The following COL6A5 variants were observed in gnomAD, a reference collection of about 807,000 sequenced individuals.
COL6A5 encodes the protein collagen alpha-5(VI) chain.
A neutral mutation model predicts 65.6 loss-of-function variants in COL6A5; 48 were observed. The ratio of observed to expected loss-of-function variants is 0.73; its 90% CI spans 0.58 to 0.93. The LOEUF (loss-of-function observed/expected upper bound fraction) is 0.93. COL6A5 is among the 40% of genes least tolerant of loss of function. The probability of loss-of-function intolerance (pLI) is 0.00; values close to 1 mark genes in which losing one functional copy is unlikely to be tolerated. For synonymous variants in COL6A5, 291 were observed against 322.8 expected, an observed-to-expected ratio of 0.90 and a Z score of 1.05; for missense variants, 914 against 928.3, an observed-to-expected ratio of 0.98 and a Z score of 0.20.
At chr3:130,385,290 T>C in exon 5 of COL6A5, 1 of 1,550,884 alleles carries the variant, frequency 6.4e-7, no homozygotes, top group South Asian at 1.2e-5. Flanking sequence ...GAAGAAAGGG[T>C]TAGCTTTGGG....
At chr3:130,455,593 G>A in exon 5 of COL6A5, 5 of 1,613,186 alleles carry the variant, frequency 3.1e-6, no homozygotes, top group Non-Finnish European at 4.2e-6. Context: ...CAAGCCAAAT[G>A]TTTGAGCCAC....
chr3:130,412,087 A>C (rs1006340333), intron 20 of COL6A5, among the ~76,000 whole-genome samples: 1 of 152,074 alleles, frequency 6.6e-6, no homozygotes, highest in Non-Finnish European at 1.5e-5. Flanking sequence ...CGTTGTTCCC[A>C]AAACAATGGA....
At chr3:130,430,884 T>A (rs1200119728), upstream of COL6A5, among the ~76,000 whole-genome samples, 1 of 152,238 alleles carries the variant, frequency 6.6e-6, no homozygotes, top group Non-Finnish European at 1.5e-5. Context: ...ACTTGATTCA[T>A]CTTTGCATGC....
chr3:130,364,770 A>C (rs1935270216), intron 1 of COL6A5, among the ~76,000 whole-genome samples: 1 of 152,358 alleles, frequency 6.6e-6, no homozygotes, highest in South Asian at 2.1e-4. Context: ...AAGTTGCAGC[A>C]GGAAAGAACC....
At chr3:130,434,612 T>G in intron 1 of COL6A5, among the ~76,000 whole-genome samples, 1 of 152,218 alleles carries the variant, frequency 6.6e-6, no homozygotes, top group East Asian at 1.9e-4. Flanking sequence ...TTCCCTGACT[T>G]TTTAATAATC....
At chr3:130,434,645 G>A (rs975948717) in intron 1 of COL6A5, among the ~76,000 whole-genome samples, 3 of 152,124 alleles carry the variant, frequency 2.0e-5, no homozygotes, top group Admixed American at 6.5e-5. Flanking sequence ...GGCATGAGAT[G>A]GTATCTCATT....
chr3:130,387,660 C>T (rs1250928168), intron 5 of COL6A5, among the ~76,000 whole-genome samples: 1 of 151,822 alleles, frequency 6.6e-6, no homozygotes, highest in African/African-American at 2.4e-5. Context: ...TAATATATGG[C>T]TGATGCTATG....
intron 1 of COL6A5, among the ~76,000 whole-genome samples, chr3:130,358,990 A>C (rs541510810): frequency 7.9e-4 from 121 of 152,328 alleles, no homozygotes; most frequent in Middle Eastern, 3.4e-3. Context: ...TGTTAAGATG[A>C]ATGAAGTAGA....
chr3:130,438,042 C>G (rs188531666), intron 1 of COL6A5, among the ~76,000 whole-genome samples: 1 of 152,108 alleles, frequency 6.6e-6, no homozygotes, highest in South Asian at 2.1e-4. Flanking sequence ...TCTGTCACCC[C>G]GGTTGGAGTG....
intron 7 of COL6A5, among the ~76,000 whole-genome samples, 152 bp from the exon 40 acceptor site, chr3:130,471,530 G>T (rs322116): frequency 0.72 from 109,039 of 151,992 alleles, 40,846 homozygotes; most frequent in Non-Finnish European, 0.84. Context: ...TTAGAAAATT[G>T]CACAAGTCAA....
chr3:130,432,023 G>T, intron 1 of COL6A5, 74 bp downstream of exon 33: 1 of 1,441,456 alleles, frequency 6.9e-7, no homozygotes, highest in East Asian at 2.5e-5. Flanking sequence ...GATGGGAGTG[G>T]TAGAGAGTCA....
At chr3:130,441,875 G>A (rs1404557958) in intron 3 of COL6A5, among the ~76,000 whole-genome samples, 1 of 152,162 alleles carries the variant, frequency 6.6e-6, no homozygotes, top group Admixed American at 6.5e-5. Context: ...CAGAATCAGA[G>A]CTGAACCTTT....
At chr3:130,433,820 A>G (rs1455273163) in intron 1 of COL6A5, among the ~76,000 whole-genome samples, 1 of 151,900 alleles carries the variant, frequency 6.6e-6, no homozygotes, top group African/African-American at 2.4e-5. Flanking sequence ...GAGGTTAAAC[A>G]TTTTTTCATA....
chr3:130,401,255 G>A (rs1936807263), intron 11 of COL6A5, 82 bp downstream of exon 11: 1 of 1,259,686 alleles, frequency 7.9e-7, no homozygotes, highest in Non-Finnish European at 1.1e-6. Flanking sequence ...TTCAAAGACT[G>A]CCTTTGTTTA....
chr3:130,393,522 G>T (rs143985847), intron 7 of COL6A5, among the ~76,000 whole-genome samples: 9 of 152,066 alleles, frequency 5.9e-5, no homozygotes, highest in Non-Finnish European at 1.3e-4. Context: ...CAAAACTGGC[G>T]CATTACTAAG....
chr3:130,373,698 G>A, exon 2 of COL6A5: 1 of 1,530,186 alleles, frequency 6.5e-7, no homozygotes, highest in South Asian at 1.2e-5. Flanking sequence ...TGGCAGACCA[G>A]AGCCCAGGTA....
exon 6 of COL6A5, chr3:130,389,034 A>G (rs950913251): frequency 2.4e-5 from 36 of 1,528,790 alleles, no homozygotes; most frequent in African/African-American, 1.4e-4. Context: ...CTCAGCTAGA[A>G]GAGATCAGTG....
chr3:130,480,168 G>C (rs1033425714), intron 7 of COL6A5, among the ~76,000 whole-genome samples: 1 of 151,848 alleles, frequency 6.6e-6, no homozygotes, highest in Non-Finnish European at 1.5e-5. Context: ...AGCAAAAACA[G>C]TAATATGTAA....
At chr3:130,414,586 C>A (rs1296105719) in intron 22 of COL6A5, among the ~76,000 whole-genome samples, 1 of 152,078 alleles carries the variant, frequency 6.6e-6, no homozygotes, top group Non-Finnish European at 1.5e-5. Context: ...TTTCTGTGAG[C>A]CATTTGCATC....
Sources: gnomAD v4.1 joint callset for allele counts (sites outside exome capture counted in the v4.1 genomes callset) on GRCh38, gnomAD v4.1.1 for gene constraint, MANE v1.5 for transcripts, NCBI Gene and HGNC (gene_info 2026-07-23, HGNC 2026-07-21) for gene names.